Variants in FKBP5 observed in about 807,000 individuals in gnomAD.
FKBP5 encodes the protein peptidyl-prolyl cis-trans isomerase FKBP5.
A neutral mutation model predicts 50.5 loss-of-function variants in FKBP5; 23 were observed. That is an observed-to-expected ratio of 0.46 (90% confidence interval 0.33 to 0.65). FKBP5 has a LOEUF of 0.65. Ranked by LOEUF, FKBP5 falls within the 30% of genes least tolerant of loss-of-function variation. The probability of loss-of-function intolerance (pLI) is 0.02; values close to 1 mark genes in which losing one functional copy is unlikely to be tolerated. For synonymous variants in FKBP5, 176 were observed against 190.6 expected, an observed-to-expected ratio of 0.92 and a Z score of 0.63; for missense variants, 411 against 553.1, an observed-to-expected ratio of 0.74 and a Z score of 2.58.
At chr6:35,698,085 G>A (rs1004129125) in intron 2 of FKBP5, among the ~76,000 whole-genome samples, 9 of 152,352 alleles carry the variant, frequency 5.9e-5, no homozygotes, top group Non-Finnish European at 1.2e-4. Context: ...GCTCACGCCT[G>A]TAATCCCAGC....
intron 4 of FKBP5, among the ~76,000 whole-genome samples, chr6:35,619,858 A>G (rs1763779092): frequency 6.6e-6 from 1 of 152,130 alleles, no homozygotes; most frequent in African/African-American, 2.4e-5. Context: ...AGTATGTCAC[A>G]CTCACACCAT....
At chr6:35,700,984 T>A (rs1766171350) in intron 2 of FKBP5, among the ~76,000 whole-genome samples, 1 of 151,778 alleles carries the variant, frequency 6.6e-6, no homozygotes, top group Admixed American at 6.6e-5. Flanking sequence ...AATAAATAAA[T>A]AAAAAAATTT....
At chr6:35,684,001 C>T (rs189910745) in intron 1 of FKBP5, among the ~76,000 whole-genome samples, 8 of 152,120 alleles carry the variant, frequency 5.3e-5, no homozygotes, top group African/African-American at 1.7e-4. Flanking sequence ...TTGCAGTGAG[C>T]GGAGACTGTA....
chr6:35,614,974 A>AT, intron 5 of FKBP5, among the ~76,000 whole-genome samples: 1 of 151,950 alleles, frequency 6.6e-6, no homozygotes. Flanking sequence ...AATACAAAAA[A>AT]TAGCTGGGCG....
intron 5 of FKBP5, among the ~76,000 whole-genome samples, chr6:35,605,118 A>G (rs988707253): frequency 3.3e-5 from 5 of 152,116 alleles, no homozygotes; most frequent in African/African-American, 9.6e-5. Flanking sequence ...TTTTTGCTCA[A>G]TTGATGAAGT....
rs565756726 is a variant in FKBP5 at position 35,681,437 on chromosome 6, C to G, written c.-20+7367G>C. Among the ~76,000 whole-genome samples, 18 of 152,300 alleles carry G rather than the reference C, an allele frequency of 1.2e-4. No homozygotes were observed. The South Asian group carries it at 3.5e-3, about 30-fold the overall frequency. ...TGCTCCTTTCCAGTCAACCACAACC[C>G]CTACCCAGAGGCAACCACTGTCCTG... On this transcript the variant is annotated intron_variant, in intron 1 of 10. Coordinates refer to ENST00000357266, the MANE Select transcript of FKBP5 (RefSeq NM_004117.4).
At chr6:35,633,843 T>C (rs1384251518) in intron 3 of FKBP5, among the ~76,000 whole-genome samples, 1 of 152,130 alleles carries the variant, frequency 6.6e-6, no homozygotes. Flanking sequence ...GGCTTACTCA[T>C]GTTAACACAC....
At chr6:35,587,540 T>TG (rs1173153193) in intron 7 of FKBP5, among the ~76,000 whole-genome samples, 1 of 152,204 alleles carries the variant, frequency 6.6e-6, no homozygotes. Flanking sequence ...GTAGTCAAGT[T>TG]GTAGTTTGTA....
At chr6:35,631,418 G>C (rs1179226449) in intron 3 of FKBP5, among the ~76,000 whole-genome samples, 1 of 152,068 alleles carries the variant, frequency 6.6e-6, no homozygotes, top group Non-Finnish European at 1.5e-5. Context: ...TGGGGCTCAG[G>C]GTCCAGGAAG....
At chr6:35,641,606 G>A (rs1295523962) in intron 2 of FKBP5, among the ~76,000 whole-genome samples, 4 of 152,190 alleles carry the variant, frequency 2.6e-5, no homozygotes. Context: ...TGACTGTATA[G>A]TGCTTTAATA....
At chr6:35,712,926 C>A (rs1489185636) in intron 2 of FKBP5, among the ~76,000 whole-genome samples, 1 of 151,448 alleles carries the variant, frequency 6.6e-6, no homozygotes, top group Non-Finnish European at 1.5e-5. Flanking sequence ...TAATTTTATC[C>A]CAAAGCCAGG....
intron 6 of FKBP5, 137 bp downstream of exon 6, chr6:35,597,111 G>T: frequency 3.4e-6 from 3 of 885,334 alleles, no homozygotes; most frequent in Non-Finnish European, 5.4e-6. Context: ...TTTACGTGAT[G>T]ACTAACTGCA....
chr6:35,618,965 G>A, intron 5 of FKBP5, 131 bp downstream of exon 5: 1 of 633,006 alleles, frequency 1.6e-6, no homozygotes, highest in Admixed American at 2.8e-5. Flanking sequence ...CAAAGTGCTG[G>A]GATTACAGGC....
chr6:35,678,852 CA>C (rs1368196405), intron 1 of FKBP5, among the ~76,000 whole-genome samples: 2 of 152,084 alleles, frequency 1.3e-5, no homozygotes, highest in African/African-American at 2.4e-5. Context: ...GAGGCCAAGG[CA>C]AGAAGACAGC....
At chr6:35,584,612 A>C (rs1351652104) in intron 8 of FKBP5, 3 of 985,358 alleles carry the variant, frequency 3.0e-6, no homozygotes, top group Non-Finnish European at 3.6e-6. Flanking sequence ...TTTACAGCTA[A>C]CGCTAGGACT....
chr6:35,654,153 G>A (rs1764886796), intron 1 of FKBP5, among the ~76,000 whole-genome samples: 1 of 152,120 alleles, frequency 6.6e-6, no homozygotes, highest in Non-Finnish European at 1.5e-5. Context: ...ATAGTTATTT[G>A]CAGCAAACAA....
At chr6:35,683,632 ATTTTTTTTTT>A (rs777451189) in intron 1 of FKBP5, among the ~76,000 whole-genome samples, 2 of 109,364 alleles carry the variant, frequency 1.8e-5, no homozygotes, top group African/African-American at 3.3e-5. Flanking sequence ...TGACTGGCTA[ATTTTTTTTTT>A]TTTTTTTTTT....
At chr6:35,709,942 A>G (rs1475298372) in intron 2 of FKBP5, among the ~76,000 whole-genome samples, 3 of 151,880 alleles carry the variant, frequency 2.0e-5, no homozygotes, top group South Asian at 4.1e-4. Flanking sequence ...CAAACAGGGT[A>G]ATGCGATAAA....
At chr6:35,604,735 T>C (rs912930282) in intron 5 of FKBP5, among the ~76,000 whole-genome samples, 2 of 152,208 alleles carry the variant, frequency 1.3e-5, no homozygotes, top group Admixed American at 6.5e-5. Context: ...CCCATTCATA[T>C]TTTTTGTAAT....
Sources: gnomAD v4.1 joint callset for allele counts (sites outside exome capture counted in the v4.1 genomes callset) on GRCh38, gnomAD v4.1.1 for gene constraint, MANE v1.5 for transcripts, NCBI Gene and HGNC (gene_info 2026-07-23, HGNC 2026-07-21) for gene names.